Variants in TANGO6 observed in about 807,000 individuals in gnomAD.
TANGO6 encodes transport and Golgi organization protein 6 homolog.
A neutral mutation model predicts 114.2 loss-of-function variants in TANGO6; 90 were observed. That is an observed-to-expected ratio of 0.79 (90% CI 0.66 to 0.94). The LOEUF (loss-of-function observed/expected upper bound fraction) is 0.94. TANGO6 is among the 40% of genes least tolerant of loss of function. TANGO6 has a pLI of 0.00. For synonymous variants in TANGO6, 477 were observed against 509.8 expected (o/e 0.94, Z 0.87); for missense variants, 1,274 against 1,315.3 (o/e 0.97, Z 0.49).
At chr16:68,923,432 A>T (rs1240595779) in intron 12 of TANGO6, among the ~76,000 whole-genome samples, 1 of 152,088 alleles carries the variant, frequency 6.6e-6, no homozygotes, top group Non-Finnish European at 1.5e-5. Context: ...TGCAGAATGG[A>T]GGAAGGGGAG....
At chr16:69,053,446 T>G (rs1959985850) in intron 17 of TANGO6, among the ~76,000 whole-genome samples, 1 of 152,158 alleles carries the variant, frequency 6.6e-6, no homozygotes, top group African/African-American at 2.4e-5. Context: ...TATGAACCTA[T>G]CATTAATTCA....
chr16:69,025,201 C>T (rs769719204), intron 16 of TANGO6, among the ~76,000 whole-genome samples: 1 of 152,236 alleles, frequency 6.6e-6, no homozygotes, highest in Non-Finnish European at 1.5e-5. Context: ...GCTTGTACCA[C>T]ATTCAGCAGT....
chr16:68,960,215 G>C (rs1963575101), intron 14 of TANGO6, among the ~76,000 whole-genome samples: 1 of 151,594 alleles, frequency 6.6e-6, no homozygotes, highest in Non-Finnish European at 1.5e-5. Context: ...TGAATGCTTA[G>C]GGCAGTGATT....
At chr16:68,905,577 G>A (rs1359759227) in intron 9 of TANGO6, among the ~76,000 whole-genome samples, 1 of 151,722 alleles carries the variant, frequency 6.6e-6, no homozygotes, top group Non-Finnish European at 1.5e-5. Context: ...ACACACACAG[G>A]TGTATATATA....
At chr16:68,959,514 G>C (rs897814545) in intron 14 of TANGO6, among the ~76,000 whole-genome samples, 2 of 152,098 alleles carry the variant, frequency 1.3e-5, no homozygotes, top group African/African-American at 2.4e-5. Context: ...TTGAACCTGG[G>C]GGGTGGAGGT....
intron 7 of TANGO6, among the ~76,000 whole-genome samples, chr16:68,888,436 T>C (rs1189858021): frequency 6.6e-6 from 1 of 152,208 alleles, no homozygotes; most frequent in Non-Finnish European, 1.5e-5. Flanking sequence ...CGTAAGAGGA[T>C]TGGCTAGATT....
chr16:68,874,953 A>T (rs892094687), intron 4 of TANGO6, among the ~76,000 whole-genome samples: 1 of 152,134 alleles, frequency 6.6e-6, no homozygotes, highest in African/African-American at 2.4e-5. Context: ...CCGTCTCAAA[A>T]AATAATAATA....
At chr16:69,027,269 T>C (rs1597063540) in intron 16 of TANGO6, among the ~76,000 whole-genome samples, 1 of 152,342 alleles carries the variant, frequency 6.6e-6, no homozygotes, top group East Asian at 1.9e-4. Flanking sequence ...TTCCTGATTC[T>C]TGAGCTTCAT....
Position 68,947,079 on chromosome 16 carries a change from C to A in TANGO6, c.2701+16784C>A, listed in dbSNP as rs528924327. 2.6e-5 allele frequency among the ~76,000 whole-genome samples: 4 copies of A among 152,248 alleles called. No individual in the cohort carries two copies. In the South Asian group the frequency reaches 8.3e-4, roughly 32 times the overall value. The stretch of plus-strand genomic sequence containing the variant: ...ATGTTCTTGGCCTCTTAATCTTAAT[C>A]TTAATCTTATTTTTCCCCCAGTATG... On this transcript the variant is annotated intron_variant, in intron 14 of 17. Transcript: ENST00000261778.
chr16:68,963,787 C>T (rs1794826061), intron 14 of TANGO6, among the ~76,000 whole-genome samples: 2 of 152,198 alleles, frequency 1.3e-5, no homozygotes, highest in South Asian at 4.1e-4. Context: ...TTTCTGCGTA[C>T]ATACTGATAT....
At chr16:68,849,415 T>C (rs1359628563) in intron 1 of TANGO6, among the ~76,000 whole-genome samples, 1 of 152,002 alleles carries the variant, frequency 6.6e-6, no homozygotes, top group Non-Finnish European at 1.5e-5. Flanking sequence ...AGTGGGCAGA[T>C]TGCTTGAGCC....
intron 9 of TANGO6, among the ~76,000 whole-genome samples, chr16:68,903,310 A>C (rs1962807689): frequency 6.6e-6 from 1 of 152,200 alleles, no homozygotes. Context: ...TATTCTGCCC[A>C]GCAACAGTTA....
At chr16:68,922,291 A>G (rs1457301178) in intron 12 of TANGO6, among the ~76,000 whole-genome samples, 1 of 151,690 alleles carries the variant, frequency 6.6e-6, no homozygotes, top group Non-Finnish European at 1.5e-5. Context: ...TAATCCTAGG[A>G]CTTCGGGAGG....
At chr16:69,063,643 C>CAAAAAAAAAAAA (rs770332921) in intron 17 of TANGO6, among the ~76,000 whole-genome samples, 3 of 35,782 alleles carry the variant, frequency 8.4e-5, no homozygotes, top group Non-Finnish European at 1.1e-4. Context: ...ACTCCATCTC[C>CAAAAAAAAAAAA]AAAAAAAAAA....
chr16:68,926,207 G>T (rs1292575849), intron 12 of TANGO6, among the ~76,000 whole-genome samples: 1 of 152,060 alleles, frequency 6.6e-6, no homozygotes, highest in Non-Finnish European at 1.5e-5. Context: ...ATTTGAAAAT[G>T]TCTCGGCCGG....
At chr16:69,013,083 C>T (rs1959227168) in intron 15 of TANGO6, among the ~76,000 whole-genome samples, 1 of 151,494 alleles carries the variant, frequency 6.6e-6, no homozygotes, top group Non-Finnish European at 1.5e-5. Context: ...CATGTAACTC[C>T]TTCTTGCAAG....
intron 17 of TANGO6, among the ~76,000 whole-genome samples, chr16:69,067,378 C>T (rs932431375): frequency 2.6e-5 from 4 of 151,658 alleles, no homozygotes; most frequent in Admixed American, 1.3e-4. Flanking sequence ...GGCGTGTTGG[C>T]GGGTGCCTGT....
At chr16:68,976,456 G>T (rs1963766405) in intron 15 of TANGO6, among the ~76,000 whole-genome samples, 1 of 152,190 alleles carries the variant, frequency 6.6e-6, no homozygotes, top group East Asian at 1.9e-4. Context: ...GGACCCTAGG[G>T]AACAAGGACA....
rs1199698790 is a variant in TANGO6 at position 69,067,518 on chromosome 16, C to CAAAAAAAAAAAAAAAAAA, written c.3109-15965_3109-15948dup. On this transcript the variant is annotated intron_variant, in intron 17 of 17. Transcript: ENST00000261778. ...AGGCAACAAGAGCAAAACTCCATCT[C>CAAAAAAAAAAAAAAAAAA]AAAAAAAAAAAAAAAAAAACGCTGG... 8.0e-4 allele frequency among the ~76,000 whole-genome samples: 35 copies of CAAAAAAAAAAAAAAAAAA among 43,720 alleles called. 1 individual carries two copies. The highest frequency in any genetic ancestry group is 1.7e-3 in the African/African-American group (17 of 10,166). 28.7% of individuals were successfully genotyped at this position (43,720 alleles called of 152,430 possible).
Sources: allele counts gnomAD v4.1 joint callset (sites outside exome capture counted in the v4.1 genomes callset), GRCh38; gene constraint gnomAD v4.1.1; transcripts MANE v1.5; gene names NCBI Gene and HGNC (gene_info 2026-07-23, HGNC 2026-07-21).